Variants in DCX observed in about 807,000 individuals in gnomAD.
DCX encodes doublecortin.
In DCX, 4 loss-of-function variants were observed where a neutral mutation model predicts 20.9. The observed-to-expected ratio is 0.19, with a 90% CI of 0.09 to 0.44. The LOEUF is 0.44. Ranked by LOEUF, DCX falls within the 20% of genes least tolerant of loss-of-function variation. The pLI is 0.99. For missense variants in DCX, 133 were observed against 296.9 expected, an observed-to-expected ratio of 0.45 and a Z score of 4.06; for synonymous variants, 103 against 111.4, an observed-to-expected ratio of 0.92 and a Z score of 0.47.
At chrX:111,312,127 C>T (rs1393597543) in intron 6 of DCX, among the ~76,000 whole-genome samples, 2 of 112,826 alleles carry the variant, frequency 1.8e-5, no homozygotes, top group African/African-American at 3.2e-5. Flanking sequence ...TATGTGCTCT[C>T]TTCCTATTCA....
At chrX:111,340,076 C>T (rs755818477) in intron 3 of DCX, among the ~76,000 whole-genome samples, 1 of 112,683 alleles carries the variant, frequency 8.9e-6, no homozygotes, top group East Asian at 2.8e-4. Context: ...TGTTTAAAAC[C>T]CTTGAAAGTC....
intron 4 of DCX, among the ~76,000 whole-genome samples, chrX:111,332,309 C>T (rs1213008697): frequency 8.9e-6 from 1 of 112,072 alleles, no homozygotes; most frequent in Non-Finnish European, 1.9e-5. Context: ...GCAGAAATGC[C>T]ACCTCTTACA....
chrX:111,331,401 A>T (rs1921231653), intron 4 of DCX, among the ~76,000 whole-genome samples: 1 of 112,306 alleles, frequency 8.9e-6, no homozygotes, highest in Non-Finnish European at 1.9e-5. Context: ...TGAATTAGAG[A>T]TTAACAACTC....
At chrX:111,364,832 G>A (rs936129238) in intron 3 of DCX, among the ~76,000 whole-genome samples, 4 of 111,465 alleles carry the variant, frequency 3.6e-5, no homozygotes, top group Non-Finnish European at 7.5e-5. Flanking sequence ...GGACTGAGGT[G>A]GGAGAAGCTG....
At chrX:111,313,914 G>C (rs988898413) in intron 5 of DCX, among the ~76,000 whole-genome samples, 3 of 96,370 alleles carry the variant, frequency 3.1e-5, no homozygotes, top group South Asian at 1.3e-3. Flanking sequence ...AGAAAGAGTG[G>C]GGGGGAGGGA....
intron 5 of DCX, among the ~76,000 whole-genome samples, chrX:111,322,877 A>C (rs2095090007): frequency 8.9e-6 from 1 of 112,188 alleles, no homozygotes; most frequent in Non-Finnish European, 1.9e-5. Context: ...TTCCTACGGA[A>C]TCTTGGACAG....
chrX:111,393,962 C>T (rs185298354), intron 3 of DCX, among the ~76,000 whole-genome samples: 1 of 111,633 alleles, frequency 9.0e-6, no homozygotes, highest in Non-Finnish European at 1.9e-5. Context: ...TTTAAACACA[C>T]TATACAGCCC....
At chrX:111,407,725 A>G (rs2147271535) in intron 2 of DCX, among the ~76,000 whole-genome samples, 1 of 109,510 alleles carries the variant, frequency 9.1e-6, no homozygotes, top group South Asian at 4.1e-4. Flanking sequence ...AGAAAGCTGC[A>G]GTCTTTTCAA....
intron 3 of DCX, among the ~76,000 whole-genome samples, chrX:111,389,462 A>T (rs1221723731): frequency 9.0e-6 from 1 of 111,587 alleles, no homozygotes; most frequent in African/African-American, 3.3e-5. Flanking sequence ...CTATATCTCT[A>T]GCCAAGACCT....
At chrX:111,398,057 G>A (rs1257653750) in intron 3 of DCX, among the ~76,000 whole-genome samples, 1 of 110,136 alleles carries the variant, frequency 9.1e-6, no homozygotes, top group African/African-American at 3.3e-5. Context: ...TTTTTGGGGT[G>A]GGGACATGGA....
Position 111,323,603 on chromosome X carries a change from G to GTTT in DCX, c.946+7298_946+7300dup, listed in dbSNP as rs780794851. ...TCCTTAGGTGAAGCCTATTATTTCTGTTTTTTTTTTTTTTTTTTTTTTGCA... is the reference window on the plus strand; with the variant it reads ...TCCTTAGGTGAAGCCTATTATTTCTGTTTTTTTTTTTTTTTTTTTTTTTTTGCA... On this transcript the variant is annotated intron_variant, in intron 5 of 6. Transcript: ENST00000636035. Among the ~76,000 whole-genome samples the GTTT allele has an allele frequency of 1.1e-3, 58 of 52,150 alleles. 1 individual carries two copies. Among genetic ancestry groups the GTTT allele is most frequent in the African/African-American group, 2.6e-3 (36 of 13,622 alleles). The allele number at this position is 52,150 out of a possible 115,157, so 45.3% of individuals were successfully genotyped here. A position where few individuals can be genotyped will look rare whatever the true frequency, so the allele number is the denominator to read the frequency against.
chrX:111,324,678 C>A (rs1027995803), intron 5 of DCX, among the ~76,000 whole-genome samples: 49 of 112,110 alleles, frequency 4.4e-4, no homozygotes, highest in African/African-American at 1.5e-3. Flanking sequence ...TTGCCTGACA[C>A]ATAATAGGAG....
chrX:111,368,441 G>A (rs180720106), intron 3 of DCX, among the ~76,000 whole-genome samples: 25 of 111,656 alleles, frequency 2.2e-4, no homozygotes, highest in Non-Finnish European at 4.3e-4. Flanking sequence ...GAACGCGGGG[G>A]TAGTGCCAAA....
rs199537326 is a variant in DCX, at chrX:111,331,050, A to G, written c.809-9T>C. The G allele has an allele frequency of 1.2e-4, 141 of 1,208,699 alleles. No homozygotes were observed. In the African/African-American group the frequency reaches 2.2e-3, roughly 19 times the overall value. ...CTTCATGACTCGGCATTCTGGGGCAAAAGGACACAGACAGCTTAGTAGAGG... is the reference window on the plus strand; with the variant it reads ...CTTCATGACTCGGCATTCTGGGGCAGAAGGACACAGACAGCTTAGTAGAGG... On this transcript the variant is annotated splice_polypyrimidine_tract_variant and intron_variant, in intron 4 of 6. Coordinates refer to ENST00000636035, the MANE Select transcript of DCX (RefSeq NM_001195553.2).
At chrX:111,339,869 C>A (rs1341932190) in intron 3 of DCX, among the ~76,000 whole-genome samples, 1 of 111,944 alleles carries the variant, frequency 8.9e-6, no homozygotes, top group African/African-American at 3.2e-5. Flanking sequence ...AAACCAGAAA[C>A]CTGAGAGTCA....
chrX:111,306,337 A>T (rs995642149), intron 6 of DCX, among the ~76,000 whole-genome samples: 12 of 112,188 alleles, frequency 1.1e-4, no homozygotes, highest in Non-Finnish European at 7.5e-5. Flanking sequence ...ACTAGAGACA[A>T]AGAACATTTT....
chrX:111,387,426 A>G (rs1464814160), intron 3 of DCX, among the ~76,000 whole-genome samples: 1 of 111,849 alleles, frequency 8.9e-6, no homozygotes, highest in Non-Finnish European at 1.9e-5. Context: ...ATTCCTAAAG[A>G]TCCAAAATCT....
At chrX:111,364,232 T>C (rs1357004524) in intron 3 of DCX, among the ~76,000 whole-genome samples, 1 of 112,004 alleles carries the variant, frequency 8.9e-6, no homozygotes, top group Admixed American at 9.5e-5. Context: ...ACAAAACTGA[T>C]CCTTTTCTCT....
In DCX at chrX:111,301,480, C is replaced by A; in HGVS notation, c.*207G>T. 1 of 471,658 alleles carries A rather than the reference C, an allele frequency of 2.1e-6. No individual in the cohort carries two copies. The allele number at this position is 471,658 out of a possible 1,213,427, so 38.9% of individuals were successfully genotyped here. On this transcript the variant is annotated 3_prime_UTR_variant, in exon 7 of 7. Coordinates refer to ENST00000636035, the MANE Select transcript of DCX (RefSeq NM_001195553.2). Reference sequence around the variant, plus strand: ...AAAGGATGGTTATCAATCTATCTCTCATAATTGGTAACTGTGGATCAGTGG... The same window carrying A: ...AAAGGATGGTTATCAATCTATCTCTAATAATTGGTAACTGTGGATCAGTGG...
Sources: allele counts gnomAD v4.1 joint callset (sites outside exome capture counted in the v4.1 genomes callset), GRCh38; gene constraint gnomAD v4.1.1; transcripts MANE v1.5; gene names NCBI Gene and HGNC (gene_info 2026-07-23, HGNC 2026-07-21).